The following NDST4 variants were observed in gnomAD, a reference collection of about 807,000 sequenced individuals.
The protein encoded by NDST4 is N-heparan sulfate sulfotransferase 4.
A neutral mutation model predicts 100.8 loss-of-function variants in NDST4; 63 were observed. The observed-to-expected ratio is 0.62, with a 90% CI of 0.51 to 0.77. The LOEUF is 0.77. Among genes scored for constraint, NDST4 ranks in the 30% least tolerant of loss-of-function variants. The pLI is 0.00. For missense variants in NDST4, 943 were observed against 1,018.4 expected (o/e 0.93, Z 1.01); for synonymous variants, 377 against 361.8 (o/e 1.04, Z -0.48).
intron 13 of NDST4, among the ~76,000 whole-genome samples, chr4:114,828,980 G>C (rs1723139828): frequency 6.6e-6 from 1 of 152,020 alleles, no homozygotes; most frequent in Non-Finnish European, 1.5e-5. Context: ...TTTCGGATAA[G>C]ATGTTTATAG....
intron 2 of NDST4, among the ~76,000 whole-genome samples, chr4:115,017,921 G>T (rs1727722140): frequency 6.6e-6 from 1 of 151,300 alleles, no homozygotes; most frequent in African/African-American, 2.4e-5. Flanking sequence ...ATATTCTTTT[G>T]TAAAAAAAAA....
At chr4:114,873,107 T>C (rs1578357017) in intron 6 of NDST4, among the ~76,000 whole-genome samples, 1 of 151,904 alleles carries the variant, frequency 6.6e-6, no homozygotes, top group African/African-American at 2.4e-5. Flanking sequence ...CAATGAATTA[T>C]AGCATCTGAG....
At position 115,076,772 on chromosome 4, in the gene NDST4, A is replaced by G; in HGVS notation, c.265T>C (p.Ser89Pro). 6.2e-7 allele frequency: 1 copy of G among 1,613,970 alleles called. No individual in the cohort carries two copies. The highest frequency in any genetic ancestry group is 8.5e-7 in the Non-Finnish European group (1 of 1,179,922). ...TVLLFVESQY[S>P]QLGQDIIAIL... ...GCTATGATATCTTGACCGAGTTGAG[A>G]GTATTGGCTCTCCACGAAGAGAAGG... The change falls in exon 2 of 14, where the codon TCT becomes CCT. Residue 89 changes from serine to proline, a missense_variant. Around this residue, in one of 2 missense-constraint regions of NDST4, gnomAD observed 417 missense variants for 384.2 expected, o/e 1.09. Transcript: ENST00000264363.
At chr4:115,095,912 A>T (rs973974514) in intron 1 of NDST4, among the ~76,000 whole-genome samples, 11 of 151,906 alleles carry the variant, frequency 7.2e-5, no homozygotes, top group Admixed American at 7.2e-4. Flanking sequence ...ACAATCTTCT[A>T]TTTCTTTTGC....
intron 2 of NDST4, among the ~76,000 whole-genome samples, chr4:114,982,017 A>G (rs1467752215): frequency 6.6e-6 from 1 of 152,098 alleles, no homozygotes; most frequent in African/African-American, 2.4e-5. Context: ...AGTGTGTGGC[A>G]CTTCCCCCCA....
intron 11 of NDST4, among the ~76,000 whole-genome samples, chr4:114,835,068 T>C (rs1426929602): frequency 3.9e-5 from 6 of 152,150 alleles, no homozygotes; most frequent in Non-Finnish European, 7.4e-5. Flanking sequence ...AAACCAGCTC[T>C]TGGATTCATG....
intron 13 of NDST4, among the ~76,000 whole-genome samples, chr4:114,828,142 T>C (rs1025309047): frequency 6.6e-6 from 1 of 152,178 alleles, no homozygotes; most frequent in African/African-American, 2.4e-5. Context: ...TAGGACCAAG[T>C]ATATCCTATA....
chr4:115,067,157 C>A (rs1453114353), intron 2 of NDST4, among the ~76,000 whole-genome samples: 1 of 152,154 alleles, frequency 6.6e-6, no homozygotes, highest in Non-Finnish European at 1.5e-5. Context: ...CAGCAACTTT[C>A]ACATACTGCT....
At chr4:114,996,068 G>T (rs1201628814) in intron 2 of NDST4, among the ~76,000 whole-genome samples, 1 of 152,018 alleles carries the variant, frequency 6.6e-6, no homozygotes, top group Non-Finnish European at 1.5e-5. Context: ...CAGGTTCTCT[G>T]ATTTCCCAGT....
At chr4:114,945,016 C>A (rs1215942682) in intron 4 of NDST4, among the ~76,000 whole-genome samples, 2 of 151,714 alleles carry the variant, frequency 1.3e-5, no homozygotes. Flanking sequence ...TCGAGACCAG[C>A]CTAACCGACA....
chr4:114,847,375 CAAAAAAAAAAAAAAAAAAAAAA>C (rs57987259), intron 9 of NDST4, among the ~76,000 whole-genome samples: 29 of 18,236 alleles, frequency 1.6e-3, no homozygotes, highest in South Asian at 8.9e-3. Context: ...GACTCCGTCT[CAAAAAAAAAAAAAAAAAAAAAA>C]AAAAAAAAAA....
chr4:114,873,015 C>A (rs1724182974), intron 6 of NDST4, among the ~76,000 whole-genome samples: 1 of 151,506 alleles, frequency 6.6e-6, no homozygotes, highest in Non-Finnish European at 1.5e-5. Context: ...ATCCTGGCAG[C>A]TGAAAGTTTT....
chr4:114,838,748 G>A (rs990090343), intron 11 of NDST4, among the ~76,000 whole-genome samples: 7 of 151,766 alleles, frequency 4.6e-5, no homozygotes, highest in South Asian at 2.1e-4. Flanking sequence ...GCGAACCACC[G>A]TGGCACATGT....
intron 7 of NDST4, among the ~76,000 whole-genome samples, chr4:114,867,196 A>C (rs573021621): frequency 6.6e-6 from 1 of 152,104 alleles, no homozygotes; most frequent in Non-Finnish European, 1.5e-5. Flanking sequence ...TCTCTGTGTC[A>C]GTATTCCTTC....
rs368767453 is a variant in NDST4, at chr4:115,039,067, A to G, written c.978+36992T>C. Among the ~76,000 whole-genome samples, 5 of 151,332 alleles carry G rather than the reference A, an allele frequency of 3.3e-5. No individual in the cohort carries two copies. The East Asian group carries it at 9.6e-4, about 29-fold the overall frequency. On this transcript the variant is annotated intron_variant, in intron 2 of 13. Transcript: ENST00000264363. ...CATAAACAGCAATTACTTTAGATAA[A>G]CTGAAAATCGTGGACTATATCTATA...
chr4:115,028,736 A>G (rs909030392), intron 2 of NDST4, among the ~76,000 whole-genome samples: 5 of 152,156 alleles, frequency 3.3e-5, no homozygotes, highest in Admixed American at 1.3e-4. Context: ...ATTAGTAGGT[A>G]TTTGGAGCAC....
intron 2 of NDST4, among the ~76,000 whole-genome samples, chr4:114,984,700 C>G (rs946206588): frequency 6.6e-6 from 1 of 151,906 alleles, no homozygotes; most frequent in Admixed American, 6.6e-5. Flanking sequence ...AGAAGAAGAC[C>G]AAAATTGACC....
intron 2 of NDST4, among the ~76,000 whole-genome samples, chr4:115,016,302 A>T (rs978221925): frequency 1.3e-5 from 2 of 152,112 alleles, no homozygotes; most frequent in Non-Finnish European, 2.9e-5. Context: ...AAGCCTGTAT[A>T]TAATCTGAAT....
At chr4:115,026,377 C>CA (rs1277788026) in intron 2 of NDST4, among the ~76,000 whole-genome samples, 1 of 151,050 alleles carries the variant, frequency 6.6e-6, no homozygotes, top group African/African-American at 2.4e-5. Flanking sequence ...TACATACCTA[C>CA]ATTCACATGC....
Sources: gnomAD v4.1 joint callset for allele counts (sites outside exome capture counted in the v4.1 genomes callset) on GRCh38, gnomAD v4.1.1 for gene constraint, gnomAD v4.1.1 regional missense constraint, MANE v1.5 for transcripts, NCBI Gene and HGNC (gene_info 2026-07-23, HGNC 2026-07-21) for gene names.